UBE3D: variants seen among roughly 807,000 people sequenced by gnomAD.
The protein encoded by UBE3D is E3 ubiquitin-protein ligase E3D.
In UBE3D, 48 loss-of-function variants were observed where a neutral mutation model predicts 49.6. The ratio of observed to expected loss-of-function variants is 0.97; its 90% CI spans 0.77 to 1.23. The LOEUF is 1.23. UBE3D is among the 50% of genes most tolerant of loss of function. The probability of loss-of-function intolerance (pLI) is 0.00; values close to 1 mark genes in which losing one functional copy is unlikely to be tolerated. For missense variants in UBE3D, 452 were observed against 468.4 expected (o/e 0.96, Z 0.32); for synonymous variants, 189 against 174.2 (o/e 1.08, Z -0.67).
the UBE3D span, among the ~76,000 whole-genome samples, chr6:82,885,330 T>C: frequency 6.6e-6 from 1 of 152,312 alleles, no homozygotes; most frequent in South Asian, 2.1e-4. Context: ...TTTTATGTTA[T>C]TCTCCTGCTT....
At chr6:82,929,955 G>A (rs1046999312) in intron 9 of UBE3D, among the ~76,000 whole-genome samples, 1 of 152,026 alleles carries the variant, frequency 6.6e-6, no homozygotes, top group Non-Finnish European at 1.5e-5. Flanking sequence ...ACATTCTATG[G>A]GTTTGGACAA....
chr6:82,884,880 A>G, the UBE3D span, among the ~76,000 whole-genome samples: 4 of 152,230 alleles, frequency 2.6e-5, no homozygotes, highest in Admixed American at 6.5e-5. Context: ...ACTTTTGGAA[A>G]TTACATAAAA....
At chr6:83,045,224 C>G (rs974037878) in intron 3 of UBE3D, among the ~76,000 whole-genome samples, 1 of 152,092 alleles carries the variant, frequency 6.6e-6, no homozygotes, top group Admixed American at 6.6e-5. Flanking sequence ...ATTTTAAAAC[C>G]CAACACCTAT....
rs139215885 is a variant in UBE3D, at chr6:83,011,476, G to A, written c.1010+7497C>T. Among the ~76,000 whole-genome samples the A allele has an allele frequency of 4.6e-5, 7 of 152,292 alleles. No individual in the cohort carries two copies. In the East Asian group the frequency reaches 1.4e-3, roughly 29 times the overall value. On this transcript the variant is annotated intron_variant, in intron 8 of 9. Coordinates refer to ENST00000369747, the MANE Select transcript of UBE3D (RefSeq NM_198920.3). Reference sequence around the variant, plus strand: ...TTTCTAGTCCTGCCTGAATTGAGCTGTTGTAGTTTCCCATTGACCTTAATC... The same window carrying A: ...TTTCTAGTCCTGCCTGAATTGAGCTATTGTAGTTTCCCATTGACCTTAATC...
chr6:82,898,339 A>C (rs1771482008), intron 9 of UBE3D, among the ~76,000 whole-genome samples: 1 of 152,184 alleles, frequency 6.6e-6, no homozygotes, highest in Non-Finnish European at 1.5e-5. Context: ...TATATACCCA[A>C]AGGACTATAA....
Position 83,062,522 on chromosome 6 carries a change from T to C in UBE3D, c.77+3120A>G, listed in dbSNP as rs538434681. Among the ~76,000 whole-genome samples the C allele has an allele frequency of 7.3e-4, 111 of 152,186 alleles. 1 individual carries two copies. The highest frequency in any genetic ancestry group is 2.7e-3 in the African/African-American group (110 of 41,506). ...CATTGGGGATCAAAGTGAGAAAACA[T>C]AGGGACAAAACACATCCAAACCATA... On this transcript the variant is annotated intron_variant, in intron 1 of 9. Transcript: ENST00000369747.
intron 9 of UBE3D, among the ~76,000 whole-genome samples, chr6:82,900,434 A>G (rs1256534538): frequency 6.6e-6 from 1 of 152,222 alleles, no homozygotes; most frequent in African/African-American, 2.4e-5. Flanking sequence ...GAACCCCTAT[A>G]TTGTGGAACA....
At chr6:82,911,196 CAAAAAAAA>C (rs1156620624) in intron 9 of UBE3D, among the ~76,000 whole-genome samples, 14 of 39,340 alleles carry the variant, frequency 3.6e-4, no homozygotes, top group South Asian at 1.3e-3. Context: ...AACATTTTGG[CAAAAAAAA>C]AAAAAAAAAA....
In UBE3D at chr6:82,906,419, C is replaced by T. The variant is rs961804054; in HGVS notation, c.1150-13377G>A. Reference sequence around the variant, plus strand: ...CACTGCAGTCATTCTCACTGATACTCAAACCTGCCCATCTTTGTCAGTAAA... The same window carrying T: ...CACTGCAGTCATTCTCACTGATACTTAAACCTGCCCATCTTTGTCAGTAAA... On this transcript the variant is annotated intron_variant, in intron 9 of 9. Coordinates refer to ENST00000369747, the MANE Select transcript of UBE3D (RefSeq NM_198920.3). Among the ~76,000 whole-genome samples the T allele has an allele frequency of 9.2e-5, 14 of 152,336 alleles. 1 individual carries two copies. Among genetic ancestry groups the T allele is most frequent in the African/African-American group, 3.4e-4 (14 of 41,586 alleles).
At chr6:82,929,914 A>G (rs1485651432) in intron 9 of UBE3D, among the ~76,000 whole-genome samples, 1 of 152,152 alleles carries the variant, frequency 6.6e-6, no homozygotes, top group African/African-American at 2.4e-5. Flanking sequence ...CAAAGTCCAC[A>G]GTTTACATTA....
the UBE3D span, among the ~76,000 whole-genome samples, chr6:82,884,264 A>C: frequency 2.0e-5 from 3 of 152,164 alleles, no homozygotes; most frequent in African/African-American, 7.2e-5. Context: ...TGAAGTTTCC[A>C]AGACTGTTTC....
rs1780891022 is a variant in UBE3D, at chr6:83,019,018, G to A, written c.965C>T (p.Ala322Val). Residue 322 changes from alanine to valine, a missense_variant, in exon 8 of 10, where the codon GCT (alanine) becomes GTT (valine). Coordinates refer to ENST00000369747, the MANE Select transcript of UBE3D (RefSeq NM_198920.3). ...FKADSSSAWS[A>V]VKVLYQPCIK... ...GCATGGCTGGTAGAGGACCTTGACA[G>A]CACTCCAGGCAGAACTAGAATCGGC... 6.2e-7 allele frequency: 1 copy of A among 1,613,612 alleles called. No homozygotes were observed.
intron 9 of UBE3D, among the ~76,000 whole-genome samples, chr6:82,948,263 A>G (rs1775544981): frequency 6.6e-6 from 1 of 152,024 alleles, no homozygotes; most frequent in Non-Finnish European, 1.5e-5. Context: ...ATATGCCAAT[A>G]AATAGGAAAA....
At chr6:82,958,276 A>T (rs1776310407) in intron 8 of UBE3D, among the ~76,000 whole-genome samples, 1 of 152,130 alleles carries the variant, frequency 6.6e-6, no homozygotes, top group African/African-American at 2.4e-5. Context: ...AATAATAAGA[A>T]TAGCATGCAT....
intron 8 of UBE3D, among the ~76,000 whole-genome samples, chr6:82,959,528 G>A (rs1776396506): frequency 6.6e-6 from 1 of 151,712 alleles, no homozygotes; most frequent in African/African-American, 2.4e-5. Context: ...ATGCTAAGGA[G>A]ACTATTTGCA....
intron 8 of UBE3D, among the ~76,000 whole-genome samples, chr6:82,975,432 CAAAGA>C (rs1412719834): frequency 6.6e-6 from 1 of 152,086 alleles, no homozygotes; most frequent in Non-Finnish European, 1.5e-5. Flanking sequence ...GAGGTGCAAG[CAAAGA>C]AGAGTGCCAA....
At chr6:82,962,290 A>C (rs1375395359) in intron 8 of UBE3D, among the ~76,000 whole-genome samples, 4 of 152,206 alleles carry the variant, frequency 2.6e-5, no homozygotes, top group African/African-American at 7.2e-5. Flanking sequence ...GCTACTTAAA[A>C]GTTTCAACAT....
chr6:83,003,486 A>T (rs1414273891), intron 8 of UBE3D, among the ~76,000 whole-genome samples: 1 of 152,184 alleles, frequency 6.6e-6, no homozygotes, highest in Non-Finnish European at 1.5e-5. Context: ...ATTTCAAATA[A>T]AACAAGTTTT....
At chr6:83,005,163 A>C (rs1030380192) in intron 8 of UBE3D, among the ~76,000 whole-genome samples, 3 of 152,216 alleles carry the variant, frequency 2.0e-5, no homozygotes, top group African/African-American at 7.2e-5. Flanking sequence ...TTGATTAAAA[A>C]GGGGCAAAGG....
Sources: allele counts gnomAD v4.1 joint callset (sites outside exome capture counted in the v4.1 genomes callset), GRCh38; gene constraint gnomAD v4.1.1; transcripts MANE v1.5; gene names NCBI Gene and HGNC (gene_info 2026-07-23, HGNC 2026-07-21).